Variants in COL4A2 observed in about 807,000 individuals in gnomAD.
COL4A2 encodes the protein collagen alpha-2(IV) chain.
COL4A2 carries 99 observed loss-of-function variants against 200.2 expected under a neutral mutation model. The observed-to-expected ratio is 0.49, with a 90% CI of 0.42 to 0.58. COL4A2 has a LOEUF of 0.58. Ranked by LOEUF, COL4A2 falls within the 20% of genes least tolerant of loss-of-function variation. The probability of loss-of-function intolerance (pLI) is 0.00; values close to 1 mark genes in which losing one functional copy is unlikely to be tolerated. For synonymous variants in COL4A2, 897 were observed against 900.6 expected (o/e 1.00, Z 0.07); for missense variants, 1,950 against 2,314.1 (o/e 0.84, Z 3.23).
At chr13:110,326,087 C>T (rs545480130) in intron 3 of COL4A2, among the ~76,000 whole-genome samples, 48 of 152,210 alleles carry the variant, frequency 3.2e-4, no homozygotes, top group African/African-American at 1.1e-3. Context: ...AGCCCAGCCC[C>T]GAATTTCATT....
rs1425781741 is a variant in COL4A2, at chr13:110,509,294, CACAA to C, written c.4881+1074_4881+1077del. ...ATACACACACACACACACACACACACACAACATAAAATATAAATTACATAGTGAT... is the reference window on the plus strand; with the variant it reads ...ATACACACACACACACACACACACACCATAAAATATAAATTACATAGTGAT... On this transcript the variant is annotated intron_variant, in intron 47 of 47. Transcript: ENST00000360467. Among the ~76,000 whole-genome samples the C allele has an allele frequency of 3.6e-5, 5 of 139,984 alleles. No individual in the cohort carries two copies. In the East Asian group the frequency reaches 1.2e-3, roughly 34 times the overall value. 91.8% of individuals were successfully genotyped at this position (139,984 alleles called of 152,430 possible).
chr13:110,473,286 T>A (rs1041888310), intron 29 of COL4A2, 136 bp downstream of exon 29: 1 of 742,076 alleles, frequency 1.3e-6, no homozygotes, highest in Admixed American at 3.2e-5. Flanking sequence ...CCTTCTCCCA[T>A]GGCCTTCCAG....
intron 47 of COL4A2, among the ~76,000 whole-genome samples, chr13:110,511,235 GAAA>G (rs11403645): frequency 1.6e-5 from 2 of 128,488 alleles, no homozygotes. Context: ...ACTTTAAAAT[GAAA>G]AAAAAAAAAA....
At chr13:110,497,198 C>T (rs1883487289) in intron 40 of COL4A2, among the ~76,000 whole-genome samples, 1 of 151,310 alleles carries the variant, frequency 6.6e-6, no homozygotes, top group African/African-American at 2.4e-5. Flanking sequence ...GAGTGAGGAT[C>T]CAAGGTGACT....
intron 3 of COL4A2, among the ~76,000 whole-genome samples, chr13:110,320,699 T>C (rs1213099492): frequency 2.0e-5 from 3 of 152,204 alleles, no homozygotes; most frequent in African/African-American, 7.2e-5. Context: ...AGAAAATAAG[T>C]GTATTTAAAA....
chr13:110,483,758 G>C (rs1339324316), intron 32 of COL4A2, among the ~76,000 whole-genome samples: 1 of 148,190 alleles, frequency 6.7e-6, no homozygotes, highest in Non-Finnish European at 1.5e-5. Flanking sequence ...AAAGCTGAAG[G>C]GTTAGGGGAG....
intron 4 of COL4A2, among the ~76,000 whole-genome samples, chr13:110,400,877 T>C (rs918974570): frequency 2.6e-5 from 4 of 152,174 alleles, no homozygotes; most frequent in African/African-American, 9.6e-5. Flanking sequence ...AGAGAGATAC[T>C]TAAGAAAAAA....
chr13:110,456,395 C>G (rs1881734001), intron 20 of COL4A2: 1 of 279,500 alleles, frequency 3.6e-6, no homozygotes, highest in Admixed American at 5.2e-5. Flanking sequence ...AAATGGGAAA[C>G]TGAGTTCATC....
At chr13:110,374,669 C>G (rs1222222221) in intron 4 of COL4A2, among the ~76,000 whole-genome samples, 1 of 152,158 alleles carries the variant, frequency 6.6e-6, no homozygotes, top group Non-Finnish European at 1.5e-5. Flanking sequence ...TCTTTGAAAA[C>G]CAGAAAGGTT....
At chr13:110,457,469 G>A in intron 21 of COL4A2, 34 bp downstream of exon 21, 1 of 1,272,764 alleles carries the variant, frequency 7.9e-7, no homozygotes, top group Non-Finnish European at 1.2e-6. Context: ...GATGAGGACA[G>A]CCTGGCCTTT....
chr13:110,363,535 A>G (rs1354699968), intron 4 of COL4A2, among the ~76,000 whole-genome samples: 3 of 152,148 alleles, frequency 2.0e-5, no homozygotes, highest in Non-Finnish European at 4.4e-5. Flanking sequence ...GATAACGAGA[A>G]GGCAAGAAAA....
intron 21 of COL4A2, chr13:110,457,674 G>A (rs911037241): frequency 4.1e-5 from 27 of 652,820 alleles, no homozygotes; most frequent in African/African-American, 2.9e-4. Context: ...TGCCATCCTC[G>A]TCACTGACCT....
At chr13:110,393,466 A>G (rs1879066820) in intron 4 of COL4A2, among the ~76,000 whole-genome samples, 1 of 151,946 alleles carries the variant, frequency 6.6e-6, no homozygotes, top group Non-Finnish European at 1.5e-5. Flanking sequence ...GTTGAAATGT[A>G]TTTCAATTCT....
intron 4 of COL4A2, among the ~76,000 whole-genome samples, chr13:110,360,040 G>A (rs969663333): frequency 1.9e-4 from 29 of 152,236 alleles, no homozygotes; most frequent in Non-Finnish European, 1.3e-4. Context: ...CATTTCACAA[G>A]ATGTAAAATT....
At chr13:110,411,010 C>T (rs1039655951) in intron 4 of COL4A2, among the ~76,000 whole-genome samples, 1 of 152,222 alleles carries the variant, frequency 6.6e-6, no homozygotes, top group African/African-American at 2.4e-5. Flanking sequence ...CAGCTGCCTT[C>T]TTCTCGATGC....
chr13:110,316,399 A>T (rs1366139388), intron 3 of COL4A2, among the ~76,000 whole-genome samples: 1 of 152,138 alleles, frequency 6.6e-6, no homozygotes, highest in African/African-American at 2.4e-5. Context: ...CCGTGATGCA[A>T]TCATTGCAAA....
chr13:110,319,868 C>G (rs947813614), intron 3 of COL4A2, among the ~76,000 whole-genome samples: 3 of 152,208 alleles, frequency 2.0e-5, no homozygotes, highest in Admixed American at 1.3e-4. Context: ...TTTCCTTAGT[C>G]TTAGTCATCA....
rs187321962 is a variant in COL4A2 at position 110,331,699 on chromosome 13, A to G, written c.99+23576A>G. 2.0e-5 allele frequency among the ~76,000 whole-genome samples: 3 copies of G among 152,290 alleles called. No homozygotes were observed. The East Asian group carries it at 5.8e-4, about 29-fold the overall frequency. ...CAAACACCGACTCAAAACCACCAACAAAAGAATGTGCTATCTAGTATTTAC... is the reference window on the plus strand; with the variant it reads ...CAAACACCGACTCAAAACCACCAACGAAAGAATGTGCTATCTAGTATTTAC... On this transcript the variant is annotated intron_variant, in intron 3 of 47. Transcript: ENST00000360467.
At chr13:110,350,364 A>C (rs905260531) in intron 3 of COL4A2, among the ~76,000 whole-genome samples, 1 of 152,226 alleles carries the variant, frequency 6.6e-6, no homozygotes, top group African/African-American at 2.4e-5. Flanking sequence ...GAGCTCTAGA[A>C]GGATATTTTG....
Sources: allele counts gnomAD v4.1 joint callset (sites outside exome capture counted in the v4.1 genomes callset), GRCh38; gene constraint gnomAD v4.1.1; transcripts MANE v1.5; gene names NCBI Gene and HGNC (gene_info 2026-07-23, HGNC 2026-07-21).